DRC11: variants seen among roughly 807,000 people sequenced by gnomAD.
The protein encoded by DRC11 is IQ and AAA domain-containing protein 1.
At chr2:236,377,475 A>G in the DRC11 span, among the ~76,000 whole-genome samples, 89 of 152,324 alleles carry the variant, frequency 5.8e-4, no homozygotes, top group East Asian at 0.017. This position sits in a 1 kb window ranked among gnomAD's most constrained non-coding sequence, Gnocchi z 4.9. Context: ...CCCTTCCATC[A>G]GTCTTCATGA....
the DRC11 span, among the ~76,000 whole-genome samples, chr2:236,459,567 A>ACG: frequency 8.3e-5 from 12 of 143,894 alleles, no homozygotes; most frequent in Admixed American, 1.4e-4. Flanking sequence ...ATACGTATAT[A>ACG]TGTGTATACA....
At chr2:236,349,031 C>T in the DRC11 span, among the ~76,000 whole-genome samples, 1 of 152,126 alleles carries the variant, frequency 6.6e-6, no homozygotes, top group Non-Finnish European at 1.5e-5. This position sits in a 1 kb window ranked among gnomAD's most constrained non-coding sequence, Gnocchi z 5.5. Flanking sequence ...CCGTTCCCTG[C>T]GTGACTCTGC....
chr2:236,310,293 G>C, the DRC11 span, among the ~76,000 whole-genome samples: 1 of 152,172 alleles, frequency 6.6e-6, no homozygotes, highest in Non-Finnish European at 1.5e-5. The surrounding 1 kb of genome is among the most constrained non-coding windows in gnomAD (Gnocchi z 5.5). Flanking sequence ...TAAGCATTTG[G>C]AGGATGGCAC....
At chr2:236,308,217 C>A in the DRC11 span, among the ~76,000 whole-genome samples, 1 of 152,268 alleles carries the variant, frequency 6.6e-6, no homozygotes, top group Non-Finnish European at 1.5e-5. This position sits in a 1 kb window ranked among gnomAD's most constrained non-coding sequence, Gnocchi z 6.0. Flanking sequence ...TCCAACCAGG[C>A]CTTGCTTCTC....
At chr2:236,444,573 G>T in the DRC11 span, among the ~76,000 whole-genome samples, 5 of 152,212 alleles carry the variant, frequency 3.3e-5, no homozygotes, top group Non-Finnish European at 7.3e-5. Flanking sequence ...CTTGGCCACT[G>T]CTGAAATGTT....
the DRC11 span, among the ~76,000 whole-genome samples, chr2:236,455,866 C>G: frequency 9.2e-5 from 14 of 152,296 alleles, no homozygotes; most frequent in African/African-American, 3.4e-4. The surrounding 1 kb of genome is among the most constrained non-coding windows in gnomAD (Gnocchi z 5.7). Context: ...CCTGGAGACT[C>G]AAGCACATTG....
At chr2:236,396,785 T>C in the DRC11 span, among the ~76,000 whole-genome samples, 3 of 152,210 alleles carry the variant, frequency 2.0e-5, no homozygotes, top group East Asian at 5.8e-4. Context: ...AATACATAGG[T>C]CAAATTCAGT....
the DRC11 span, among the ~76,000 whole-genome samples, chr2:236,394,742 G>A: frequency 6.6e-6 from 1 of 152,210 alleles, no homozygotes; most frequent in African/African-American, 2.4e-5. This position sits in a 1 kb window ranked among gnomAD's most constrained non-coding sequence, Gnocchi z 7.0. Context: ...TGCCTTCCTG[G>A]ACAGACTACG....
chr2:236,470,190 G>T, the DRC11 span, among the ~76,000 whole-genome samples: 6 of 152,126 alleles, frequency 3.9e-5, no homozygotes, highest in South Asian at 1.0e-3. The surrounding 1 kb of genome is among the most constrained non-coding windows in gnomAD (Gnocchi z 5.1). Flanking sequence ...AGAGAAAATG[G>T]ACATTTGTCC....
the DRC11 span, among the ~76,000 whole-genome samples, chr2:236,328,181 T>C: frequency 6.6e-6 from 1 of 152,220 alleles, no homozygotes; most frequent in African/African-American, 2.4e-5. The surrounding 1 kb of genome is among the most constrained non-coding windows in gnomAD (Gnocchi z 6.7). Context: ...TTTTTTATTA[T>C]GAACTCATCT....
chr2:236,467,038 C>T, the DRC11 span, among the ~76,000 whole-genome samples: 1 of 152,118 alleles, frequency 6.6e-6, no homozygotes, highest in Non-Finnish European at 1.5e-5. Context: ...TTTCCAGTTC[C>T]TTTTTTGCAA....
At chr2:236,338,181 T>C in the DRC11 span, 10 of 1,606,762 alleles carry the variant, frequency 6.2e-6, no homozygotes, top group Admixed American at 1.7e-5. Flanking sequence ...CTATCATGCA[T>C]GGGAAGGGGC....
chr2:236,408,166 T>C, the DRC11 span: 2 of 712,542 alleles, frequency 2.8e-6, no homozygotes, highest in Admixed American at 1.8e-5. The surrounding 1 kb of genome is among the most constrained non-coding windows in gnomAD (Gnocchi z 5.5). Flanking sequence ...AGTGGAGGCA[T>C]TGTTCTTGAT....
chr2:236,434,705 C>T, the DRC11 span, among the ~76,000 whole-genome samples: 1 of 152,106 alleles, frequency 6.6e-6, no homozygotes, highest in Non-Finnish European at 1.5e-5. This position sits in a 1 kb window ranked among gnomAD's most constrained non-coding sequence, Gnocchi z 5.5. Context: ...ATGTGTTAAC[C>T]AGACATTCTC....
At chr2:236,315,122 A>T in the DRC11 span, among the ~76,000 whole-genome samples, 1 of 152,210 alleles carries the variant, frequency 6.6e-6, no homozygotes, top group South Asian at 2.1e-4. The surrounding 1 kb of genome is among the most constrained non-coding windows in gnomAD (Gnocchi z 5.1). Context: ...GAGGATTTGT[A>T]AGCAAATCAC....
At chr2:236,379,116 TC>T in the DRC11 span, among the ~76,000 whole-genome samples, 979 of 152,036 alleles carry the variant, frequency 6.4e-3, 8 homozygotes, top group African/African-American at 0.023. Context: ...GCCCTCCTCT[TC>T]CCCCCGCAGA....
the DRC11 span, chr2:236,324,733 T>C: frequency 6.2e-7 from 1 of 1,605,838 alleles, no homozygotes; most frequent in Non-Finnish European, 8.5e-7. This position sits in a 1 kb window ranked among gnomAD's most constrained non-coding sequence, Gnocchi z 5.7. Flanking sequence ...TGCTGCCTCC[T>C]GTTATCGCCA....
the DRC11 span, among the ~76,000 whole-genome samples, chr2:236,351,697 A>AG: frequency 2.6e-5 from 4 of 152,046 alleles, no homozygotes; most frequent in East Asian, 7.8e-4. The surrounding 1 kb of genome is among the most constrained non-coding windows in gnomAD (Gnocchi z 7.3). Context: ...GGGCACAGTG[A>AG]GGACAAGGCC....
At chr2:236,434,511 G>A in the DRC11 span, among the ~76,000 whole-genome samples, 1 of 152,174 alleles carries the variant, frequency 6.6e-6, no homozygotes, top group South Asian at 2.1e-4. This position sits in a 1 kb window ranked among gnomAD's most constrained non-coding sequence, Gnocchi z 5.5. Flanking sequence ...GGAGGTAGAC[G>A]TTGCTAGTAA....
Sources: gnomAD v4.1 joint callset for allele counts (sites outside exome capture counted in the v4.1 genomes callset) on GRCh38, gnomAD v4.1.1 for gene constraint, Gnocchi (gnomAD v3.1) non-coding constraint, MANE v1.5 for transcripts, NCBI Gene and HGNC (gene_info 2026-07-23, HGNC 2026-07-21) for gene names.